The following COL28A1 variants were observed in gnomAD, a reference collection of about 807,000 sequenced individuals.
COL28A1 encodes the protein collagen alpha-1(XXVIII) chain.
A neutral mutation model predicts 150.2 loss-of-function variants in COL28A1; 161 were observed. That is an observed-to-expected ratio of 1.07 (90% CI 0.94 to 1.22). The LOEUF is 1.22. Among genes scored for constraint, COL28A1 ranks in the 50% most tolerant of loss-of-function variants. The pLI, the probability that COL28A1 is intolerant of heterozygous loss-of-function variation, is 0.00. For synonymous variants in COL28A1, 552 were observed against 469.7 expected, an observed-to-expected ratio of 1.18 and a Z score of -2.26; for missense variants, 1,617 against 1,388.3, an observed-to-expected ratio of 1.16 and a Z score of -2.62.
rs1251816829 is a variant in COL28A1, at chr7:7,502,955, C to A, written c.1026+3059G>T. 4.3e-5 allele frequency among the ~76,000 whole-genome samples: 2 copies of A among 46,256 alleles called. 1 individual carries two copies. Among genetic ancestry groups the A allele is most frequent in the Non-Finnish European group, 7.1e-5 (2 of 28,296 alleles). 30.3% of individuals were successfully genotyped at this position (46,256 alleles called of 152,430 possible). The stretch of plus-strand genomic sequence containing the variant: ...CTCGTGATCCGCCCGCCTCGGCCTC[C>A]CAAAGTGCTGGGATTACAGGCGTGA... On this transcript the variant is annotated intron_variant, in intron 11 of 34. Transcript: ENST00000399429.
At chr7:7,410,455 C>T (rs926544780) in intron 27 of COL28A1, among the ~76,000 whole-genome samples, 2 of 152,032 alleles carry the variant, frequency 1.3e-5, no homozygotes, top group African/African-American at 2.4e-5. Context: ...GTGGAGTCAT[C>T]GTGTGAATTT....
intron 11 of COL28A1, among the ~76,000 whole-genome samples, chr7:7,496,985 G>C (rs1272692346): frequency 2.0e-5 from 3 of 147,374 alleles, no homozygotes; most frequent in Admixed American, 2.0e-4. Context: ...ACTGTATACA[G>C]AGACTTGGGA....
chr7:7,432,915 T>C (rs775728326), intron 23 of COL28A1, among the ~76,000 whole-genome samples: 11 of 151,144 alleles, frequency 7.3e-5, no homozygotes, highest in Non-Finnish European at 1.5e-4. Context: ...TTAAGCACAA[T>C]GTGAGAAGAG....
chr7:7,426,439 C>T (rs1220797054), intron 25 of COL28A1, among the ~76,000 whole-genome samples: 10 of 152,110 alleles, frequency 6.6e-5, no homozygotes, highest in African/African-American at 2.2e-4. Context: ...TAAGTATATG[C>T]ACATATTGGC....
At chr7:7,404,998 C>G (rs1248262516) in intron 27 of COL28A1, among the ~76,000 whole-genome samples, 2 of 152,178 alleles carry the variant, frequency 1.3e-5, no homozygotes, top group Non-Finnish European at 2.9e-5. Context: ...ATCCTCTGGC[C>G]TCAGCCTCCT....
intron 15 of COL28A1, among the ~76,000 whole-genome samples, chr7:7,472,128 C>T (rs553440418): frequency 6.6e-6 from 1 of 152,254 alleles, no homozygotes; most frequent in African/African-American, 2.4e-5. Flanking sequence ...AGGATGCCCA[C>T]TCTCACCACC....
Position 7,362,523 on chromosome 7 carries a change from A to G in COL28A1, c.3067-1995T>C, listed in dbSNP as rs1780722819. 2.0e-5 allele frequency among the ~76,000 whole-genome samples: 3 copies of G among 152,296 alleles called. No homozygotes were observed. The South Asian group carries it at 6.2e-4, about 32-fold the overall frequency. On this transcript the variant is annotated intron_variant, in intron 33 of 34. Coordinates refer to ENST00000399429, the MANE Select transcript of COL28A1 (RefSeq NM_001037763.3). ...TTTGTGTGTGCATGCATACATACACACACAAGAGGGAAAAAGTAATTAGTA... is the reference window on the plus strand; with the variant it reads ...TTTGTGTGTGCATGCATACATACACGCACAAGAGGGAAAAAGTAATTAGTA...
In COL28A1 at chr7:7,458,209, G is replaced by A. The variant is rs533345427; in HGVS notation, c.1303-2097C>T. Among the ~76,000 whole-genome samples the A allele has an allele frequency of 2.2e-3, 340 of 152,278 alleles. 3 individuals are homozygous for A. Among genetic ancestry groups the A allele is most frequent in the Non-Finnish European group, 3.5e-3 (235 of 68,024 alleles). Reference sequence around the variant, plus strand: ...AGGTGGGCGGATCCCCTGAGATCGGGAGTTCGAGACCAGCCTGACCAACAT... The same window carrying A: ...AGGTGGGCGGATCCCCTGAGATCGGAAGTTCGAGACCAGCCTGACCAACAT... On this transcript the variant is annotated intron_variant, in intron 15 of 34. Transcript: ENST00000399429.
chr7:7,392,760 T>C lies in COL28A1; in HGVS notation c.2137-11148A>G, dbSNP rs559895399. ...CTCTGATATCCTTTCTTCCACTTGA[T>C]TGATTTGGCTATTGATACTTGTGTA... On this transcript the variant is annotated intron_variant, in intron 27 of 34. Transcript: ENST00000399429. Among the ~76,000 whole-genome samples, 15 of 152,300 alleles carry C rather than the reference T, an allele frequency of 9.8e-5. No individual in the cohort carries two copies. The East Asian group carries it at 2.7e-3, about 27-fold the overall frequency.
intron 33 of COL28A1, among the ~76,000 whole-genome samples, chr7:7,364,275 A>T (rs61562461): frequency 0.04 from 6,111 of 152,292 alleles, 411 homozygotes; most frequent in African/African-American, 0.14. Context: ...TTTGAACTGA[A>T]GGCAATTGAG....
At chr7:7,404,747 TG>T (rs2128300949) in intron 27 of COL28A1, among the ~76,000 whole-genome samples, 1 of 152,304 alleles carries the variant, frequency 6.6e-6, no homozygotes, top group Admixed American at 6.5e-5. Context: ...ATATAATGTT[TG>T]TATTTATTAT....
At chr7:7,472,991 C>G (rs1788559080) in intron 15 of COL28A1, among the ~76,000 whole-genome samples, 1 of 152,166 alleles carries the variant, frequency 6.6e-6, no homozygotes, top group Non-Finnish European at 1.5e-5. Context: ...AAGAATAAAA[C>G]CGGATCCTCA....
At position 7,490,023 on chromosome 7, in the gene COL28A1, C is replaced by T. The variant is rs1339993629; in HGVS notation, c.1095+555G>A. ...TGTACTGCTTGCTATTTTAATCCTG[C>T]ATCAAAGTCTTATTGTCACAACCAC... On this transcript the variant is annotated intron_variant, in intron 12 of 34. Transcript: ENST00000399429. Among the ~76,000 whole-genome samples the T allele has an allele frequency of 2.0e-5, 3 of 152,202 alleles. No homozygotes were observed. The East Asian group carries it at 5.8e-4, about 29-fold the overall frequency.
chr7:7,501,232 G>A (rs1780505827), intron 11 of COL28A1, among the ~76,000 whole-genome samples: 1 of 152,194 alleles, frequency 6.6e-6, no homozygotes, highest in African/African-American at 2.4e-5. Flanking sequence ...TCCTAGAGTA[G>A]AACAATGGAA....
At chr7:7,375,339 T>G in intron 31 of COL28A1, 122 bp downstream of exon 31, 31 of 897,906 alleles carry the variant, frequency 3.5e-5, no homozygotes, top group South Asian at 1.1e-4. Context: ...ACTTTTCAAA[T>G]GAGCTTCACA....
At chr7:7,407,721 G>C (rs528867829) in intron 27 of COL28A1, among the ~76,000 whole-genome samples, 2 of 151,996 alleles carry the variant, frequency 1.3e-5, no homozygotes, top group Non-Finnish European at 2.9e-5. Flanking sequence ...GTTTCAATCT[G>C]GGATGCAAGA....
chr7:7,373,250 C>T lies in COL28A1; in HGVS notation c.2656G>A (p.Asp886Asn), dbSNP rs1236036657. ...CCTGGCCTTGCATCTTCAAACATGT[C>T]GTTGGCTGCTTGCAGAGCAGTGGCT... ...YTATALQAAN[D>N]MFEDARPGVK... is the part of the protein sequence containing the mutation. The change falls in exon 32 of 35, where the codon GAC becomes AAC. Residue 886 changes from aspartate (D) to asparagine (N), a missense_variant. Asp to Asn is a conservative substitution (Grantham distance 23, BLOSUM62 1). Transcript: ENST00000399429. The surrounding 1 kb of genome is among the most constrained non-coding windows in gnomAD (Gnocchi z 4.1). The T allele has an allele frequency of 1.6e-5, 26 of 1,614,034 alleles. 1 individual carries two copies. Among genetic ancestry groups the T allele is most frequent in the African/African-American group, 9.3e-5 (7 of 74,898 alleles).
intron 1 of COL28A1, among the ~76,000 whole-genome samples, chr7:7,533,764 C>G (rs1782495942): frequency 6.6e-6 from 1 of 152,146 alleles, no homozygotes; most frequent in Non-Finnish European, 1.5e-5. Context: ...CACCAACTGA[C>G]TCTTAAACTG....
chr7:7,422,565 G>A (rs1178510254), intron 25 of COL28A1, among the ~76,000 whole-genome samples: 1 of 152,032 alleles, frequency 6.6e-6, no homozygotes, highest in Non-Finnish European at 1.5e-5. Flanking sequence ...GGAGGCAGAG[G>A]TTGCAGTGAA....
Sources: allele counts gnomAD v4.1 joint callset (sites outside exome capture counted in the v4.1 genomes callset), GRCh38; gene constraint gnomAD v4.1.1; non-coding constraint Gnocchi (gnomAD v3.1); transcripts MANE v1.5; gene names NCBI Gene and HGNC (gene_info 2026-07-23, HGNC 2026-07-21).